NEBL: variants seen among roughly 807,000 people sequenced by gnomAD.
NEBL encodes the protein LIM and SH3 protein 2.
NEBL carries 122 observed loss-of-function variants against 140.2 expected under a neutral mutation model. That is an observed-to-expected ratio of 0.87 (90% CI 0.75 to 1.01). NEBL has a LOEUF of 1.01. Among genes scored for constraint, NEBL ranks in the 50% least tolerant of loss-of-function variants. The probability of loss-of-function intolerance (pLI) is 0.00; values close to 1 mark genes in which losing one functional copy is unlikely to be tolerated. For missense variants in NEBL, 1,365 were observed against 1,231.3 expected, an observed-to-expected ratio of 1.11 and a Z score of -1.62; for synonymous variants, 436 against 398.9, an observed-to-expected ratio of 1.09 and a Z score of -1.11.
At chr10:20,879,825 T>G (rs931685391) in intron 5 of NEBL, among the ~76,000 whole-genome samples, 2 of 151,406 alleles carry the variant, frequency 1.3e-5, no homozygotes, top group African/African-American at 2.4e-5. Context: ...ATGAGGAGAT[T>G]TTAAAAAAAA....
intron 2 of NEBL, among the ~76,000 whole-genome samples, chr10:21,072,976 C>A (rs937427453): frequency 1.3e-5 from 2 of 151,194 alleles, no homozygotes; most frequent in African/African-American, 4.9e-5. Context: ...GGGCAATAGA[C>A]TATGACTCTG....
chr10:20,863,448 T>C (rs1054651982), intron 7 of NEBL, among the ~76,000 whole-genome samples: 1 of 152,208 alleles, frequency 6.6e-6, no homozygotes, highest in African/African-American at 2.4e-5. Flanking sequence ...TACGTATCTA[T>C]AGATATCAAT....
Position 21,027,440 on chromosome 10 carries a change from A to G in NEBL, c.165-7239T>C, listed in dbSNP as rs111848874. ...CCTCCTGGACTCAGGTGATCCTCCC[A>G]TCTCAGCCTCCTGAGTAGCTGGGAC... On this transcript the variant is annotated intron_variant, in intron 2 of 6. Transcript: ENST00000417816. Among the ~76,000 whole-genome samples, 803 of 151,654 alleles carry G rather than the reference A, an allele frequency of 5.3e-3. 11 individuals carry two copies. Among genetic ancestry groups the G allele is most frequent in the African/African-American group, 0.018 (762 of 41,326 alleles).
chr10:21,204,625 A>T (rs902896650), intron 3 of NEBL, among the ~76,000 whole-genome samples: 2 of 152,206 alleles, frequency 1.3e-5, no homozygotes, highest in African/African-American at 4.8e-5. Flanking sequence ...TAAGGCTTCC[A>T]GGCTGTGGGA....
chr10:21,140,277 A>AAT (rs932335649), intron 2 of NEBL, among the ~76,000 whole-genome samples: 17 of 152,194 alleles, frequency 1.1e-4, no homozygotes, highest in Non-Finnish European at 7.3e-5. Flanking sequence ...AAACAGTGAA[A>AAT]ATATGAGCGT....
intron 1 of NEBL, among the ~76,000 whole-genome samples, chr10:21,288,827 T>TATATATATATATATAG (rs1843101329): frequency 1.4e-5 from 1 of 72,764 alleles, no homozygotes; most frequent in Admixed American, 1.7e-4. Flanking sequence ...TGTGTATATA[T>TATATATATATATATAG]ATATATATAT....
At chr10:20,890,307 C>G (rs997998391) in intron 2 of NEBL, among the ~76,000 whole-genome samples, 4 of 152,180 alleles carry the variant, frequency 2.6e-5, no homozygotes, top group Admixed American at 6.5e-5. Context: ...TAAGCCTTGA[C>G]ACATAAGCCT....
intron 3 of NEBL, among the ~76,000 whole-genome samples, chr10:21,190,772 G>T (rs1564540034): frequency 6.6e-6 from 1 of 152,172 alleles, no homozygotes; most frequent in African/African-American, 2.4e-5. Context: ...ACAGAAAAAT[G>T]ATTATTATGC....
At chr10:21,070,032 G>A (rs1835744343) in intron 2 of NEBL, 3 of 455,866 alleles carry the variant, frequency 6.6e-6, no homozygotes, top group Middle Eastern at 6.5e-4. Flanking sequence ...TGCAGCACAC[G>A]GTGTCACCTC....
chr10:20,930,164 A>T (rs771982421), intron 4 of NEBL, among the ~76,000 whole-genome samples: 25 of 152,060 alleles, frequency 1.6e-4, no homozygotes, highest in Non-Finnish European at 3.2e-4. Flanking sequence ...AAATGTGTCT[A>T]CCTTTAATTT....
intron 2 of NEBL, among the ~76,000 whole-genome samples, chr10:21,250,858 A>G (rs1842579737): frequency 1.3e-5 from 2 of 152,118 alleles, no homozygotes; most frequent in Non-Finnish European, 2.9e-5. Flanking sequence ...ACGCCATTGC[A>G]CTCCAGCCTG....
intron 27 of NEBL, among the ~76,000 whole-genome samples, chr10:20,786,423 A>G (rs1325452859): frequency 6.6e-6 from 1 of 152,194 alleles, no homozygotes; most frequent in Non-Finnish European, 1.5e-5. Flanking sequence ...CTATGAGAGA[A>G]ATTTAGCATA....
intron 4 of NEBL, among the ~76,000 whole-genome samples, chr10:20,930,969 C>T (rs1489015022): frequency 6.6e-6 from 1 of 152,126 alleles, no homozygotes; most frequent in East Asian, 1.9e-4. Context: ...AACATAGAAA[C>T]AAACGCCTGT....
At chr10:20,854,863 C>T (rs1174967996) in intron 9 of NEBL, among the ~76,000 whole-genome samples, 1 of 152,090 alleles carries the variant, frequency 6.6e-6, no homozygotes, top group Non-Finnish European at 1.5e-5. Flanking sequence ...CTGCACCTAG[C>T]CCACAGAGTA....
intron 2 of NEBL, among the ~76,000 whole-genome samples, chr10:21,071,866 T>A (rs971857519): frequency 1.6e-4 from 25 of 152,194 alleles, no homozygotes; most frequent in African/African-American, 5.8e-4. Context: ...CTGCCCAGGC[T>A]GGAGTGCAGT....
At chr10:20,908,122 TA>T (rs1367939951) in intron 4 of NEBL, among the ~76,000 whole-genome samples, 1 of 152,164 alleles carries the variant, frequency 6.6e-6, no homozygotes, top group African/African-American at 2.4e-5. Flanking sequence ...CTGTGAGCTT[TA>T]TATACAGTAA....
At chr10:21,114,154 A>T (rs1457398327) in intron 2 of NEBL, among the ~76,000 whole-genome samples, 1 of 151,960 alleles carries the variant, frequency 6.6e-6, no homozygotes, top group African/African-American at 2.4e-5. Flanking sequence ...ATATTTTCTA[A>T]TTTCACTTGT....
intron 3 of NEBL, among the ~76,000 whole-genome samples, chr10:21,183,811 G>A (rs1412185573): frequency 6.6e-6 from 1 of 152,142 alleles, no homozygotes; most frequent in East Asian, 1.9e-4. Flanking sequence ...ATTCCCATGT[G>A]TTGTGGGAAG....
At chr10:20,917,185 T>C (rs1466350477) in intron 4 of NEBL, among the ~76,000 whole-genome samples, 1 of 152,198 alleles carries the variant, frequency 6.6e-6, no homozygotes, top group African/African-American at 2.4e-5. Flanking sequence ...AGCTTGTAAG[T>C]CCAAAGTCTA....
Sources: allele counts gnomAD v4.1 joint callset (sites outside exome capture counted in the v4.1 genomes callset), GRCh38; gene constraint gnomAD v4.1.1; transcripts MANE v1.5; gene names NCBI Gene and HGNC (gene_info 2026-07-23, HGNC 2026-07-21).